Variants in CDK13 observed in about 807,000 individuals in gnomAD.
CDK13 encodes cyclin dependent kinase 13.
Under a neutral mutation model 137.6 loss-of-function variants are expected in CDK13, and 40 were observed. The ratio of observed to expected loss-of-function variants is 0.29; its 90% CI spans 0.23 to 0.38. The LOEUF is 0.38. CDK13 is among the 10% of genes least tolerant of loss of function. CDK13 has a pLI of 1.00. For missense variants in CDK13, 1,704 were observed against 1,951.8 expected (o/e 0.87, Z 2.39); for synonymous variants, 869 against 760.1 (o/e 1.14, Z -2.36).
Position 39,997,585 on chromosome 7 carries a change from C to T in CDK13, c.1963C>T (p.Leu655=). ...TGCTGATTTACCGCTGCCCCCTGAG[C>T]TACCAGGAGGAGATGATCTTTCAAA... ...LLADLPLPPE[L]PGGDDLSKSP... The change falls in exon 3 of 14, where the codon CTA becomes TTA. Residue 655 remains leucine (L), a synonymous_variant. Coordinates refer to ENST00000181839, the MANE Select transcript of CDK13 (RefSeq NM_003718.5). 6.2e-7 allele frequency: 1 copy of T among 1,610,220 alleles called. No homozygotes were observed. Among genetic ancestry groups the T allele is most frequent in the African/African-American group, 1.3e-5 (1 of 74,804 alleles).
At chr7:40,059,734 T>C (rs1786099519) in intron 7 of CDK13, among the ~76,000 whole-genome samples, 1 of 152,230 alleles carries the variant, frequency 6.6e-6, no homozygotes, top group African/African-American at 2.4e-5. Flanking sequence ...CCGTTGACAC[T>C]TCCTTGAATG....
intron 2 of CDK13, among the ~76,000 whole-genome samples, chr7:39,992,969 A>C (rs1784495055): frequency 6.6e-6 from 1 of 152,194 alleles, no homozygotes; most frequent in Admixed American, 6.5e-5. Context: ...CACTTGGTTA[A>C]GGTGATGAGC....
chr7:40,014,611 C>T (rs1227743517), intron 5 of CDK13, among the ~76,000 whole-genome samples: 1 of 151,960 alleles, frequency 6.6e-6, no homozygotes, highest in African/African-American at 2.4e-5. Context: ...CATTCCAGCA[C>T]ACCTGGCTCA....
intron 5 of CDK13, among the ~76,000 whole-genome samples, chr7:40,013,759 T>G (rs944274608): frequency 6.6e-6 from 1 of 152,176 alleles, no homozygotes; most frequent in Non-Finnish European, 1.5e-5. Flanking sequence ...ATGTATGATA[T>G]GTGAATTATA....
At chr7:40,089,313 A>C (rs1786862922) in intron 12 of CDK13, among the ~76,000 whole-genome samples, 2 of 151,294 alleles carry the variant, frequency 1.3e-5, no homozygotes, top group Admixed American at 1.3e-4. Context: ...GGTGGCACAC[A>C]CCTGTAATCC....
intron 11 of CDK13, 131 bp from the exon 12 acceptor site, chr7:40,087,995 T>A: frequency 1.5e-6 from 1 of 668,464 alleles, no homozygotes; most frequent in Non-Finnish European, 2.5e-6. Flanking sequence ...ATTGGAAGAG[T>A]TTTACAGAGC....
chr7:40,091,986 A>G (rs554742322), intron 12 of CDK13, among the ~76,000 whole-genome samples: 1 of 152,292 alleles, frequency 6.6e-6, no homozygotes, highest in East Asian at 1.9e-4. Flanking sequence ...AAATTATCCC[A>G]AGTCTAAACT....
intron 9 of CDK13, among the ~76,000 whole-genome samples, chr7:40,064,860 T>A (rs1786243622): frequency 6.7e-6 from 1 of 149,802 alleles, no homozygotes; most frequent in South Asian, 2.1e-4. Flanking sequence ...GGGGCAGTCA[T>A]GGCTCACTGC....
At chr7:40,035,338 T>G (rs1785458658) in intron 5 of CDK13, among the ~76,000 whole-genome samples, 1 of 152,154 alleles carries the variant, frequency 6.6e-6, no homozygotes, top group Non-Finnish European at 1.5e-5. Flanking sequence ...CCCCAGGCCA[T>G]GGACAGGTAC....
intron 1 of CDK13, among the ~76,000 whole-genome samples, chr7:39,956,427 A>G (rs967712879): frequency 6.6e-6 from 1 of 152,180 alleles, no homozygotes; most frequent in African/African-American, 2.4e-5. Context: ...TTCCATTTCT[A>G]TCACCATTTC....
chr7:40,037,890 A>C (rs1429409442), intron 5 of CDK13, among the ~76,000 whole-genome samples: 1 of 152,198 alleles, frequency 6.6e-6, no homozygotes, highest in Non-Finnish European at 1.5e-5. Context: ...TATACCCCCC[A>C]GCTGTATATA....
At chr7:40,018,116 AT>A (rs1785040890) in intron 5 of CDK13, among the ~76,000 whole-genome samples, 1 of 152,066 alleles carries the variant, frequency 6.6e-6, no homozygotes, top group South Asian at 2.1e-4. Flanking sequence ...TTAGATGGAT[AT>A]GAGGTCTGAA....
At chr7:39,965,777 A>G (rs1047156179) in intron 1 of CDK13, among the ~76,000 whole-genome samples, 16 of 152,210 alleles carry the variant, frequency 1.1e-4, no homozygotes, top group Admixed American at 8.5e-4. Context: ...TTCCATGTTT[A>G]GTGCTTCCTT....
rs1787073123 is a variant in CDK13, at chr7:40,097,513, T to G, written c.*2533T>G. ...TAATAGAACAAAGTTGGGAAATCAC[T>G]AGTTCTGTAGGTTATAACAGCAGTC... On this transcript the variant is annotated 3_prime_UTR_variant, in exon 14 of 14. Transcript: ENST00000181839. 1 of 152,134 alleles carries G rather than the reference T, an allele frequency of 6.6e-6. No individual in the cohort carries two copies. Among genetic ancestry groups the G allele is most frequent in the African/African-American group, 2.4e-5 (1 of 41,460 alleles). 9.4% of individuals were successfully genotyped at this position (152,134 alleles called of 1,614,324 possible).
chr7:39,996,983 A>AAAAAAAAAAAAAAAAAAAAAAAG (rs1562719391), intron 2 of CDK13, among the ~76,000 whole-genome samples: 14 of 141,476 alleles, frequency 9.9e-5, no homozygotes, highest in African/African-American at 4.2e-4. Flanking sequence ...AAAAGAAAAA[A>AAAAAAAAAAAAAAAAAAAAAAAG]AAAAAGAAAA....
At chr7:40,052,921 A>T (rs1312725680) in intron 7 of CDK13, among the ~76,000 whole-genome samples, 1 of 152,126 alleles carries the variant, frequency 6.6e-6, no homozygotes, top group East Asian at 1.9e-4. Context: ...AATGAAAAGG[A>T]TCTTCTGAGA....
At chr7:39,964,739 C>T (rs1783829281) in intron 1 of CDK13, among the ~76,000 whole-genome samples, 1 of 152,042 alleles carries the variant, frequency 6.6e-6, no homozygotes, top group South Asian at 2.1e-4. Context: ...TAGATCTTTC[C>T]TGCTTTCTCT....
At chr7:40,001,746 G>A in intron 4 of CDK13, 115 bp from the exon 5 acceptor site, 1 of 743,374 alleles carries the variant, frequency 1.3e-6, no homozygotes, top group African/African-American at 1.8e-5. Flanking sequence ...AACATACTTT[G>A]TGGTTCTATT....
chr7:39,992,070 TACACACACACACACACAC>T (rs148046155), intron 2 of CDK13, among the ~76,000 whole-genome samples: 10 of 147,050 alleles, frequency 6.8e-5, no homozygotes, highest in South Asian at 2.2e-4. Context: ...GAAAAAATTA[TACACACACACACACACAC>T]ACACACACAC....
Sources: allele counts gnomAD v4.1 joint callset (sites outside exome capture counted in the v4.1 genomes callset), GRCh38; gene constraint gnomAD v4.1.1; transcripts MANE v1.5; gene names NCBI Gene and HGNC (gene_info 2026-07-23, HGNC 2026-07-21).